PRKAR1B: variants seen among roughly 807,000 people sequenced by gnomAD.
PRKAR1B encodes the protein cAMP-dependent protein kinase type I-beta regulatory subunit.
In PRKAR1B, 22 loss-of-function variants were observed where a neutral mutation model predicts 46.5. That is an observed-to-expected ratio of 0.47 (90% CI 0.34 to 0.68). The LOEUF (loss-of-function observed/expected upper bound fraction) is 0.68. Ranked by LOEUF, PRKAR1B falls within the 30% of genes least tolerant of loss-of-function variation. PRKAR1B has a pLI of 0.01. For missense variants in PRKAR1B, 445 were observed against 535.6 expected (o/e 0.83, Z 1.67); for synonymous variants, 259 against 217.7 (o/e 1.19, Z -1.67).
Position 596,215 on chromosome 7 carries a change from C to T in PRKAR1B, c.639G>A (p.Ala213=), listed in dbSNP as rs772063510. 4.3e-6 allele frequency: 7 copies of T among 1,614,014 alleles called. No homozygotes were observed. The highest frequency in any genetic ancestry group is 1.1e-5 in the South Asian group (1 of 91,082). ...LALIYGTPRA[A]TVKAKTDLKL... is the part of the protein sequence containing the mutation. The stretch of plus-strand genomic sequence containing the variant: ...TGAGGTCCGTCTTGGCTTTCACGGT[C>T]GCAGCCCTGGGGGTGCCGTAGATGA... Residue 213 remains alanine, a synonymous_variant, in exon 7 of 11, where the codon GCG becomes GCA. Transcript: ENST00000537384.
intron 4 of PRKAR1B, 108 bp downstream of exon 4, chr7:677,121 A>G (rs780143489): frequency 2.8e-6 from 3 of 1,053,786 alleles, no homozygotes; most frequent in Non-Finnish European, 4.4e-6. Flanking sequence ...CACCTCCTGG[A>G]GGCCAGGGAG....
chr7:596,253 C>T lies in PRKAR1B; in HGVS notation c.601G>A (p.Gly201Arg), dbSNP rs1415229301. 3 of 1,613,822 alleles carry T rather than the reference C, an allele frequency of 1.9e-6. No individual in the cohort carries two copies. The highest frequency in any genetic ancestry group is 2.5e-6 in the Non-Finnish European group (3 of 1,179,922). The change falls in exon 7 of 11, where the codon GGG becomes AGG. Residue 201 changes from glycine to arginine, a missense_variant. Gly to Arg is a moderately radical substitution (Grantham distance 125, BLOSUM62 -2). Transcript: ENST00000537384. ...VTNISEGGSF[G>R]ELALIYGTPR... Reference sequence around the variant, plus strand: ...GTGCCGTAGATGAGCGCCAGCTCCCCGAAGCTGCCTCCCTCGCTGATGTTG... The same window carrying T: ...GTGCCGTAGATGAGCGCCAGCTCCCTGAAGCTGCCTCCCTCGCTGATGTTG...
At chr7:643,321 C>A (rs1222423654) in intron 4 of PRKAR1B, among the ~76,000 whole-genome samples, 1 of 151,498 alleles carries the variant, frequency 6.6e-6, no homozygotes, top group Non-Finnish European at 1.5e-5. Flanking sequence ...TGAGCTTAGG[C>A]AGCGCGAGGC....
chr7:574,081 G>A (rs1196898523), intron 9 of PRKAR1B, among the ~76,000 whole-genome samples: 1 of 152,242 alleles, frequency 6.6e-6, no homozygotes, highest in Non-Finnish European at 1.5e-5. Context: ...TGCTCTCTGT[G>A]AAGACGCACC....
chr7:683,685 C>A (rs962243029), intron 2 of PRKAR1B, among the ~76,000 whole-genome samples: 1 of 152,208 alleles, frequency 6.6e-6, no homozygotes, highest in Admixed American at 6.5e-5. Context: ...CATGGAGCAG[C>A]GGGATGCAGT....
chr7:565,102 GT>G (rs1431334058), intron 9 of PRKAR1B: 1 of 152,266 alleles, frequency 6.6e-6, no homozygotes, highest in Non-Finnish European at 1.5e-5. Context: ...TTCCTTCAGG[GT>G]TTCGCAGGAG....
At chr7:619,982 C>A in intron 4 of PRKAR1B, among the ~76,000 whole-genome samples, 1 of 151,080 alleles carries the variant, frequency 6.6e-6, no homozygotes. Flanking sequence ...TCCTGAGTAG[C>A]TGGGCCTACA....
chr7:647,788 C>T lies in PRKAR1B; in HGVS notation c.440+29441G>A, dbSNP rs904850954. Among the ~76,000 whole-genome samples, 3 of 108,550 alleles carry T rather than the reference C, an allele frequency of 2.8e-5. No individual in the cohort carries two copies. In the East Asian group the frequency reaches 9.0e-4, roughly 33 times the overall value. The allele number at this position is 108,550 out of a possible 152,430, so 71.2% of individuals were successfully genotyped here. Reference sequence around the variant, plus strand: ...CACCACTGCACTCCAGCCTGGGCAACAACGAGACTTCGTCTCCAAAAAAAA... The same window carrying T: ...CACCACTGCACTCCAGCCTGGGCAATAACGAGACTTCGTCTCCAAAAAAAA... On this transcript the variant is annotated intron_variant, in intron 4 of 10. Transcript: ENST00000537384.
At chr7:561,322 C>T (rs1245392678) in intron 9 of PRKAR1B, among the ~76,000 whole-genome samples, 1 of 152,226 alleles carries the variant, frequency 6.6e-6, no homozygotes, top group Non-Finnish European at 1.5e-5. Flanking sequence ...GCCCCTGCCT[C>T]TAAAGCACTC....
chr7:591,987 G>C (rs977102207), intron 7 of PRKAR1B, among the ~76,000 whole-genome samples: 2 of 152,252 alleles, frequency 1.3e-5, no homozygotes, highest in Non-Finnish European at 2.9e-5. Flanking sequence ...CAGCGTGACA[G>C]ACCCCAGGGC....
chr7:603,929 A>G (rs1781830811), intron 6 of PRKAR1B, among the ~76,000 whole-genome samples: 2 of 147,270 alleles, frequency 1.4e-5, no homozygotes, highest in South Asian at 4.2e-4. Context: ...AAGAGGGGCT[A>G]TAAGTAGTAG....
chr7:636,228 ACACGTCCTCCACCGGCCGCGCCCT>A (rs1562578874), intron 4 of PRKAR1B, among the ~76,000 whole-genome samples: 7 of 8,378 alleles, frequency 8.4e-4, no homozygotes, highest in South Asian at 5.7e-3. Flanking sequence ...GGCCGCGCCC[ACACGTCCTCCACCGGCCGCGCCCT>A]CACGTCCTCC....
At chr7:720,797 C>T (rs1781044608) in intron 1 of PRKAR1B, among the ~76,000 whole-genome samples, 1 of 152,200 alleles carries the variant, frequency 6.6e-6, no homozygotes. Flanking sequence ...ACATGATACT[C>T]TTTTGCCATC....
intron 6 of PRKAR1B, among the ~76,000 whole-genome samples, chr7:597,301 A>ATTTTC (rs1781320706): frequency 6.6e-6 from 1 of 152,230 alleles, no homozygotes; most frequent in South Asian, 2.1e-4. Flanking sequence ...TCTATCTGAA[A>ATTTTC]GAAAAGGCCA....
intron 2 of PRKAR1B, among the ~76,000 whole-genome samples, chr7:705,158 G>A (rs997822206): frequency 6.6e-6 from 1 of 151,946 alleles, no homozygotes; most frequent in Non-Finnish European, 1.5e-5. Context: ...TAGGCATGGT[G>A]GCACATGCCT....
At chr7:583,762 AC>A (rs1408894760) in intron 8 of PRKAR1B, among the ~76,000 whole-genome samples, 34 of 147,396 alleles carry the variant, frequency 2.3e-4, no homozygotes, top group Non-Finnish European at 3.0e-4. Flanking sequence ...GTGCACTCGC[AC>A]CCATGCACAC....
Position 568,863 on chromosome 7 carries a change from C to T in PRKAR1B, c.891+10393G>A, listed in dbSNP as rs541840468. ...ATTCCACATCTGTCTCGTCTGGGAA[C>T]GCCTGCGCGGCGGTGCCCCGAGATA... is the stretch of plus-strand genomic sequence containing the variant. On this transcript the variant is annotated intron_variant, in intron 9 of 10. Transcript: ENST00000537384. Among the ~76,000 whole-genome samples, 4 of 152,126 alleles carry T rather than the reference C, an allele frequency of 2.6e-5. No homozygotes were observed. The South Asian group carries it at 6.2e-4, about 24-fold the overall frequency.
chr7:727,205 C>A lies in PRKAR1B; in HGVS notation c.-23+5G>T. 1 of 1,348,582 alleles carries A rather than the reference C, an allele frequency of 7.4e-7. No homozygotes were observed. The highest frequency in any genetic ancestry group is 9.5e-7 in the Non-Finnish European group (1 of 1,048,252). The allele number at this position is 1,348,582 out of a possible 1,614,324, so 83.5% of individuals were successfully genotyped here. The stretch of plus-strand genomic sequence containing the variant: ...GACCTGTGCGGCGCCGCGCTCGCGC[C>A]CCACCTGGACGACGCTCTGCGCGCG... On this transcript the variant is annotated splice_donor_5th_base_variant and intron_variant, in intron 1 of 10. Transcript: ENST00000537384.
At chr7:649,542 C>T (rs1784788609) in intron 4 of PRKAR1B, among the ~76,000 whole-genome samples, 1 of 152,026 alleles carries the variant, frequency 6.6e-6, no homozygotes, top group African/African-American at 2.4e-5. Context: ...TATATTTACA[C>T]TGATTTATAT....
Sources: gnomAD v4.1 joint callset for allele counts (sites outside exome capture counted in the v4.1 genomes callset) on GRCh38, gnomAD v4.1.1 for gene constraint, MANE v1.5 for transcripts, NCBI Gene and HGNC (gene_info 2026-07-23, HGNC 2026-07-21) for gene names.